Variants in PECR observed in about 807,000 individuals in gnomAD.
PECR encodes the protein peroxisomal trans-2-enoyl-CoA reductase.
Under a neutral mutation model 35.3 loss-of-function variants are expected in PECR, and 30 were observed. The ratio of observed to expected loss-of-function variants is 0.85; its 90% CI spans 0.64 to 1.15. The LOEUF (loss-of-function observed/expected upper bound fraction) is 1.15. PECR is among the 50% of genes most tolerant of loss of function. The pLI is 0.00. For synonymous variants in PECR, 148 were observed against 138.9 expected (o/e 1.07, Z -0.46); for missense variants, 392 against 370.8 (o/e 1.06, Z -0.47).
intron 7 of PECR, among the ~76,000 whole-genome samples, chr2:216,031,647 A>AAAAGAAAGAAAG (rs200929112): frequency 0.046 from 4,514 of 97,902 alleles, 144 homozygotes; most frequent in Non-Finnish European, 0.058. Flanking sequence ...AAGGAAGAAG[A>AAAAGAAAGAAAG]AAAGAAAGAA....
rs1408419559 is a variant in PECR at position 216,043,952 on chromosome 2, C to T, written c.778G>A (p.Asp260Asn). The T allele has an allele frequency of 6.2e-7, 1 of 1,612,810 alleles. No homozygotes were observed. Residue 260 changes from aspartate to asparagine, a missense_variant, in exon 7 of 8, where the codon GAT (aspartate) becomes AAT (asparagine). Transcript: ENST00000265322. ...AASFITGQSV[D>N]VDGGRSLYTH... ...TAGAGACTCCGGCCCCCATCCACAT[C>T]CACCGACTGTCCAGTGATGAAGGAA...
At chr2:216,068,225 C>CA (rs34646067) in intron 1 of PECR, among the ~76,000 whole-genome samples, 2,002 of 64,734 alleles carry the variant, frequency 0.031, 36 homozygotes, top group African/African-American at 0.06. Context: ...GACTCCATAT[C>CA]AAAAAAAAAA....
intron 7 of PECR, among the ~76,000 whole-genome samples, chr2:216,032,456 C>G (rs554487261): frequency 6.6e-6 from 1 of 152,344 alleles, no homozygotes; most frequent in African/African-American, 2.4e-5. Context: ...TCCGTTGACC[C>G]AGTTGGCTTA....
chr2:216,040,037 G>T (rs1274059546), intron 7 of PECR, among the ~76,000 whole-genome samples: 1 of 152,120 alleles, frequency 6.6e-6, no homozygotes, highest in Non-Finnish European at 1.5e-5. Context: ...CTTACACATA[G>T]AAACAGCAGG....
intron 6 of PECR, 80 bp from the exon 7 acceptor site, chr2:216,044,095 C>T: frequency 1.3e-6 from 1 of 746,628 alleles, no homozygotes; most frequent in Non-Finnish European, 2.4e-6. Context: ...CCAGTAAAGG[C>T]ATCTCAAAGC....
At chr2:216,029,198 G>A (rs955347391) in intron 7 of PECR, among the ~76,000 whole-genome samples, 6 of 152,230 alleles carry the variant, frequency 3.9e-5, no homozygotes, top group Non-Finnish European at 8.8e-5. Flanking sequence ...GATTGAGGCT[G>A]GCCAGGCGTG....
chr2:216,041,581 A>T (rs1285207451), intron 7 of PECR, among the ~76,000 whole-genome samples: 2 of 152,168 alleles, frequency 1.3e-5, no homozygotes, highest in Non-Finnish European at 2.9e-5. Context: ...AATATCCTAG[A>T]CTCGCCAAAG....
chr2:216,039,047 A>G lies in PECR; in HGVS notation c.*228T>C. The G allele has an allele frequency of 5.1e-6, 2 of 394,680 alleles. No homozygotes were observed. The highest frequency in any genetic ancestry group is 8.0e-5 in the Admixed American group (2 of 25,082). 24.4% of individuals were successfully genotyped at this position (394,680 alleles called of 1,614,324 possible). ...AGAAATAAAAAGTAAAGTCATTAAA[A>G]TATGTTAATTTCTGTTACTTATACA... On this transcript the variant is annotated 3_prime_UTR_variant, in exon 8 of 8. Coordinates refer to ENST00000265322, the MANE Select transcript of PECR (RefSeq NM_018441.6).
intron 7 of PECR, among the ~76,000 whole-genome samples, chr2:216,031,177 C>G (rs1264906378): frequency 6.6e-6 from 1 of 152,026 alleles, no homozygotes. Flanking sequence ...GAGGCTGAGG[C>G]AGGCAGATCA....
At chr2:216,052,876 C>T (rs543548806) in intron 4 of PECR, among the ~76,000 whole-genome samples, 1 of 152,182 alleles carries the variant, frequency 6.6e-6, no homozygotes, top group East Asian at 1.9e-4. Context: ...GTTTTTCAGA[C>T]AGAGTCTCGC....
At position 216,076,987 on chromosome 2, in the gene PECR, T is replaced by C. The variant is rs527655366; in HGVS notation, c.124+4631A>G. Among the ~76,000 whole-genome samples the C allele has an allele frequency of 4.8e-3, 635 of 133,672 alleles. 8 individuals are homozygous for C. The highest frequency in any genetic ancestry group is 0.019 in the African/African-American group (595 of 30,516). 87.7% of individuals were successfully genotyped at this position (133,672 alleles called of 152,430 possible). The stretch of plus-strand genomic sequence containing the variant: ...CACCATCTCAGCTCACTGCAACCTC[T>C]GCCTCCCGGGTTCAGCGATTCTCCT... On this transcript the variant is annotated intron_variant, in intron 1 of 7. Transcript: ENST00000265322.
chr2:216,067,360 G>T (rs1695487976), intron 1 of PECR, among the ~76,000 whole-genome samples: 1 of 152,146 alleles, frequency 6.6e-6, no homozygotes, highest in Non-Finnish European at 1.5e-5. Flanking sequence ...CACTGGGAAT[G>T]GTTAGTGTGC....
chr2:216,075,130 A>G (rs1352994974), intron 1 of PECR, among the ~76,000 whole-genome samples: 1 of 152,120 alleles, frequency 6.6e-6, no homozygotes, highest in South Asian at 2.1e-4. Flanking sequence ...ATTGCCAAAC[A>G]TTGTGGCACA....
chr2:216,075,601 T>C (rs1695682255), intron 1 of PECR, among the ~76,000 whole-genome samples: 1 of 152,240 alleles, frequency 6.6e-6, no homozygotes, highest in African/African-American at 2.4e-5. Flanking sequence ...TTTGTTTATA[T>C]GTAGCTAGAG....
At chr2:216,041,283 C>T (rs1340854049) in intron 7 of PECR, among the ~76,000 whole-genome samples, 1 of 152,138 alleles carries the variant, frequency 6.6e-6, no homozygotes, top group Non-Finnish European at 1.5e-5. Context: ...GTGCAACCTG[C>T]GATAAGAAAT....
chr2:216,077,216 A>C (rs1170300949), intron 1 of PECR, among the ~76,000 whole-genome samples: 1 of 152,106 alleles, frequency 6.6e-6, no homozygotes, highest in Non-Finnish European at 1.5e-5. Context: ...CTTTTAATAA[A>C]AAATATTTGC....
In PECR at chr2:216,072,646, T is replaced by A. The variant is rs537653597; in HGVS notation, c.125-6128A>T. Among the ~76,000 whole-genome samples the A allele has an allele frequency of 2.0e-5, 3 of 152,334 alleles. No individual in the cohort carries two copies. The South Asian group carries it at 6.2e-4, about 32-fold the overall frequency. On this transcript the variant is annotated intron_variant, in intron 1 of 7. Transcript: ENST00000265322. ...CCATTTGACCTTGTTTCTGAATTAT[T>A]TTAGTTAGGATAAAGGCCTCCAGTT...
intron 1 of PECR, 97 bp downstream of exon 1, chr2:216,081,519 CCA>C: frequency 1.4e-6 from 2 of 1,479,842 alleles, no homozygotes; most frequent in Non-Finnish European, 9.4e-7. Flanking sequence ...CTCTGCAGCT[CCA>C]CACTCCCTCA....
At chr2:216,062,725 A>C (rs1695380321) in intron 3 of PECR, among the ~76,000 whole-genome samples, 1 of 152,254 alleles carries the variant, frequency 6.6e-6, no homozygotes, top group Non-Finnish European at 1.5e-5. Context: ...GAGGTGATAC[A>C]TGTCAATACA....
Sources: allele counts gnomAD v4.1 joint callset (sites outside exome capture counted in the v4.1 genomes callset), GRCh38; gene constraint gnomAD v4.1.1; transcripts MANE v1.5; gene names NCBI Gene and HGNC (gene_info 2026-07-23, HGNC 2026-07-21).